OR51E1: variants seen among roughly 807,000 people sequenced by gnomAD.
OR51E1 encodes the protein olfactory receptor 51E1.
In OR51E1, 9 loss-of-function variants were observed where a neutral mutation model predicts 11.5. That is an observed-to-expected ratio of 0.78 (90% confidence interval 0.47 to 1.37). The LOEUF (loss-of-function observed/expected upper bound fraction) is 1.37. Ranked by LOEUF, OR51E1 falls within the 40% of genes most tolerant of loss-of-function variation. The pLI is 0.00. For missense variants in OR51E1, 397 were observed against 410.2 expected (o/e 0.97, Z 0.28); for synonymous variants, 168 against 158.3 (o/e 1.06, Z -0.46).
At position 4,653,469 on chromosome 11, in the gene OR51E1, G is replaced by A. The variant is rs372328328; in HGVS notation, c.943G>A (p.Ala315Thr). Residue 315 changes from alanine to threonine, a missense_variant, in exon 2 of 2, where the codon GCT (alanine) becomes ACT (threonine). Physicochemically the swap from Ala to Thr is moderately conservative, Grantham distance 58. Transcript: ENST00000396952. ...TCGACTTTTCCATGTGGCCACACAC[G>A]CTTCAGAGCCCTAGGTGTCAGTGAT... Reference protein sequence around the residue: ...ILRLFHVATHASEP With the variant: ...ILRLFHVATHTSEP The A allele has an allele frequency of 1.7e-5, 28 of 1,601,834 alleles. No homozygotes were observed. Among genetic ancestry groups the A allele is most frequent in the Middle Eastern group, 1.7e-4 (1 of 6,056 alleles).
chr11:4,647,121 C>A (rs7940924), intron 1 of OR51E1, among the ~76,000 whole-genome samples: 11,000 of 152,164 alleles, frequency 0.072, 951 homozygotes, highest in East Asian at 0.23. Flanking sequence ...GAATTAAACA[C>A]CCTCACCTTC....
chr11:4,644,845 G>C (rs1230425605), intron 1 of OR51E1, among the ~76,000 whole-genome samples: 1 of 152,128 alleles, frequency 6.6e-6, no homozygotes, highest in Non-Finnish European at 1.5e-5. Context: ...GTTACCTGAT[G>C]AGGTCCTTGC....
At chr11:4,652,212 A>G (rs1847106927) in intron 1 of OR51E1, among the ~76,000 whole-genome samples, 2 of 152,230 alleles carry the variant, frequency 1.3e-5, no homozygotes, top group South Asian at 4.1e-4. Context: ...TCTTTGGAGA[A>G]CTAAATGGTT....
chr11:4,653,047 C>T lies in OR51E1; in HGVS notation c.521C>T (p.Ser174Phe), dbSNP rs148260821. Residue 174 changes from serine (S) to phenylalanine (F), a missense_variant, in exon 2 of 2, where the codon TCC becomes TTC. Coordinates refer to ENST00000396952, the MANE Select transcript of OR51E1 (RefSeq NM_152430.4). ...ATCAAGCAGCTGCCCTTCTGCCGCT[C>T]CAATATCCTTTCCCATTCCTACTGC... ...VFIKQLPFCR[S>F]NILSHSYCLH... is the part of the protein sequence containing the mutation. The T allele has an allele frequency of 6.2e-7, 1 of 1,613,456 alleles. No homozygotes were observed. Among genetic ancestry groups the T allele is most frequent in the Non-Finnish European group, 8.5e-7 (1 of 1,179,528 alleles).
At chr11:4,648,070 T>C (rs1389346857) in intron 1 of OR51E1, among the ~76,000 whole-genome samples, 1 of 152,164 alleles carries the variant, frequency 6.6e-6, no homozygotes, top group Non-Finnish European at 1.5e-5. Context: ...ACGGTGGCAC[T>C]TGAGCTCTCT....
intron 1 of OR51E1, among the ~76,000 whole-genome samples, chr11:4,649,730 C>T (rs1367056718): frequency 6.6e-6 from 1 of 152,020 alleles, no homozygotes; most frequent in Non-Finnish European, 1.5e-5. Flanking sequence ...TGATGGTTCA[C>T]GCCACCATAA....
intron 1 of OR51E1, among the ~76,000 whole-genome samples, chr11:4,644,324 G>C (rs1847001824): frequency 1.3e-5 from 2 of 152,130 alleles, no homozygotes. Context: ...TGTGAATGAG[G>C]ACAGAGGACA....
At chr11:4,651,545 C>T (rs1475469766) in intron 1 of OR51E1, among the ~76,000 whole-genome samples, 1 of 152,214 alleles carries the variant, frequency 6.6e-6, no homozygotes, top group Non-Finnish European at 1.5e-5. Context: ...TCTAGATGTG[C>T]ATCATGGGGG....
chr11:4,652,707 C>T lies in OR51E1; in HGVS notation c.181C>T (p.Pro61Ser). The stretch of plus-strand genomic sequence containing the variant: ...GCGGACTGAGCACAGCCTGCATGAG[C>T]CCATGTATATATTTCTTTGCATGCT... ...IVRTEHSLHEPMYIFLCMLSG... is the reference protein window; with the variant it reads ...IVRTEHSLHESMYIFLCMLSG... The change falls in exon 2 of 2, where the codon CCC becomes TCC. Residue 61 changes from proline (P) to serine (S), a missense_variant. Physicochemically the swap from Pro to Ser is moderately conservative, Grantham distance 74. Transcript: ENST00000396952. The T allele has an allele frequency of 6.2e-7, 1 of 1,613,832 alleles. No individual in the cohort carries two copies. Among genetic ancestry groups the T allele is most frequent in the South Asian group, 1.1e-5 (1 of 91,070 alleles).
At position 4,653,483 on chromosome 11, in the gene OR51E1, G is replaced by A. The variant is rs1319556520; in HGVS notation, c.957G>A (p.Ter319=). 6.4e-7 allele frequency: 1 copy of A among 1,557,132 alleles called. No homozygotes were observed. Among genetic ancestry groups the A allele is most frequent in the Non-Finnish European group, 8.8e-7 (1 of 1,136,464 alleles). ...TGGCCACACACGCTTCAGAGCCCTA[G>A]GTGTCAGTGATCAAACTTCTTTTCC... ...FHVATHASEP[*] is the part of the protein sequence containing the mutation. The change falls in exon 2 of 2, where the codon TAG becomes TAA. Residue 319 remains the stop codon, a stop_retained_variant. Coordinates refer to ENST00000396952, the MANE Select transcript of OR51E1 (RefSeq NM_152430.4).
chr11:4,649,421 C>T (rs575403270), intron 1 of OR51E1, among the ~76,000 whole-genome samples: 1 of 152,124 alleles, frequency 6.6e-6, no homozygotes, highest in Non-Finnish European at 1.5e-5. Flanking sequence ...CAGAAAGACA[C>T]AGAGTCATGG....
intron 1 of OR51E1, among the ~76,000 whole-genome samples, chr11:4,649,199 C>G (rs1228476339): frequency 1.3e-5 from 2 of 152,094 alleles, no homozygotes; most frequent in East Asian, 1.9e-4. Context: ...TTACTATTAT[C>G]AAGAGGGTAA....
intron 1 of OR51E1, among the ~76,000 whole-genome samples, chr11:4,648,358 A>G (rs887457977): frequency 2.6e-5 from 4 of 152,254 alleles, no homozygotes. Context: ...ATTGAAAAGT[A>G]TATGAAATTT....
intron 1 of OR51E1, among the ~76,000 whole-genome samples, chr11:4,647,267 T>C (rs554073751): frequency 1.3e-5 from 2 of 152,312 alleles, no homozygotes; most frequent in African/African-American, 4.8e-5. Flanking sequence ...ACCTCATTGT[T>C]CTCTTGGGTC....
intron 1 of OR51E1, among the ~76,000 whole-genome samples, chr11:4,650,324 G>A (rs948091622): frequency 6.6e-6 from 1 of 152,134 alleles, no homozygotes; most frequent in African/African-American, 2.4e-5. Context: ...AGAGAGAGCC[G>A]AGGAACAGCA....
chr11:4,648,105 A>G (rs1025993706), intron 1 of OR51E1, among the ~76,000 whole-genome samples: 3 of 151,872 alleles, frequency 2.0e-5, no homozygotes, highest in Non-Finnish European at 4.4e-5. Context: ...CCATCCATTC[A>G]TTTCTCTCCT....
At chr11:4,645,317 A>AG (rs1847015712) in intron 1 of OR51E1, among the ~76,000 whole-genome samples, 1 of 151,948 alleles carries the variant, frequency 6.6e-6, no homozygotes, top group African/African-American at 2.4e-5. Flanking sequence ...TGCCTGTGTC[A>AG]CTGCCCCATT....
At position 4,653,489 on chromosome 11, in the gene OR51E1, A is replaced by C; in HGVS notation, c.*6A>C. The C allele has an allele frequency of 6.5e-7, 1 of 1,536,232 alleles. No homozygotes were observed. The highest frequency in any genetic ancestry group is 8.9e-7 in the Non-Finnish European group (1 of 1,119,174). On this transcript the variant is annotated 3_prime_UTR_variant, in exon 2 of 2. Transcript: ENST00000396952. ...CACACGCTTCAGAGCCCTAGGTGTC[A>C]GTGATCAAACTTCTTTTCCATTCAG...
chr11:4,653,051 T>C lies in OR51E1; in HGVS notation c.525T>C (p.Asn175=). The C allele has an allele frequency of 6.2e-7, 1 of 1,613,702 alleles. No individual in the cohort carries two copies. The highest frequency in any genetic ancestry group is 8.5e-7 in the Non-Finnish European group (1 of 1,179,678). ...AGCAGCTGCCCTTCTGCCGCTCCAATATCCTTTCCCATTCCTACTGCCTAC... is the reference window on the plus strand; with the variant it reads ...AGCAGCTGCCCTTCTGCCGCTCCAACATCCTTTCCCATTCCTACTGCCTAC... ...FIKQLPFCRS[N]ILSHSYCLHQ... The change falls in exon 2 of 2, where the codon AAT becomes AAC. Residue 175 remains asparagine (N), a synonymous_variant. Coordinates refer to ENST00000396952, the MANE Select transcript of OR51E1 (RefSeq NM_152430.4).
Sources: allele counts gnomAD v4.1 joint callset (sites outside exome capture counted in the v4.1 genomes callset), GRCh38; gene constraint gnomAD v4.1.1; transcripts MANE v1.5; gene names NCBI Gene and HGNC (gene_info 2026-07-23, HGNC 2026-07-21).